The following ST3GAL2 variants were observed in gnomAD, a reference collection of about 807,000 sequenced individuals.
ST3GAL2 encodes ST3 beta-galactoside alpha-2,3-sialyltransferase 2.
In ST3GAL2, 16 loss-of-function variants were observed where a neutral mutation model predicts 37.5. That is an observed-to-expected ratio of 0.43 (90% CI 0.29 to 0.65). The LOEUF is 0.65. ST3GAL2 is among the 30% of genes least tolerant of loss of function. ST3GAL2 has a pLI of 0.17. For missense variants in ST3GAL2, 383 were observed against 487.8 expected, an observed-to-expected ratio of 0.79 and a Z score of 2.02; for synonymous variants, 238 against 202.9, an observed-to-expected ratio of 1.17 and a Z score of -1.47.
chr16:70,420,574 C>T (rs1006148371), intron 1 of ST3GAL2, among the ~76,000 whole-genome samples: 8 of 152,180 alleles, frequency 5.3e-5, no homozygotes, highest in African/African-American at 1.9e-4. Flanking sequence ...GGCCTGCAGA[C>T]GTCTGCTGGC....
intron 1 of ST3GAL2, among the ~76,000 whole-genome samples, chr16:70,419,321 C>G (rs2151673763): frequency 6.6e-6 from 1 of 152,350 alleles, no homozygotes; most frequent in South Asian, 2.1e-4. Context: ...AATCCACCAT[C>G]TATCCCCAGA....
At chr16:70,435,334 G>T (rs1003203063) in intron 1 of ST3GAL2, among the ~76,000 whole-genome samples, 1 of 152,156 alleles carries the variant, frequency 6.6e-6, no homozygotes, top group Non-Finnish European at 1.5e-5. Context: ...AGTGGTTCAC[G>T]CCTGTAATCC....
intron 1 of ST3GAL2, among the ~76,000 whole-genome samples, chr16:70,426,349 C>T (rs1417172472): frequency 6.8e-6 from 1 of 147,624 alleles, no homozygotes; most frequent in Non-Finnish European, 1.5e-5. Context: ...GAGGTGAATG[C>T]CACCACACCC....
At position 70,399,231 on chromosome 16, in the gene ST3GAL2, TCTC is replaced by T. The variant is rs2151664310; in HGVS notation, c.-704_-702del. ...CTTCCCATCTGAGGTGCTGGTCCCT[TCTC>T]CTGGTGGCCCCAGCCCCAGCTGCAG... is the stretch of plus-strand genomic sequence containing the variant. On this transcript the variant is annotated 5_prime_UTR_variant, in exon 2 of 7. Transcript: ENST00000342907. 2.5e-6 allele frequency: 1 copy of T among 398,720 alleles called. No homozygotes were observed. Among genetic ancestry groups the T allele is most frequent in the Non-Finnish European group, 4.4e-6 (1 of 226,152 alleles). The allele number at this position is 398,720 out of a possible 1,614,324, so 24.7% of individuals were successfully genotyped here. A position where few individuals can be genotyped will look rare whatever the true frequency, so the allele number is the denominator to read the frequency against.
chr16:70,437,507 C>CAA (rs34874526), intron 1 of ST3GAL2, among the ~76,000 whole-genome samples: 22 of 130,582 alleles, frequency 1.7e-4, no homozygotes, highest in Non-Finnish European at 3.1e-4. Context: ...GCCCCCCCCG[C>CAA]AAAAAAAAAA....
chr16:70,399,606 C>G (rs2047541708), intron 1 of ST3GAL2, 73 bp from the exon 2 acceptor site: 1 of 396,300 alleles, frequency 2.5e-6, no homozygotes, highest in African/African-American at 2.1e-5. Context: ...AGCCCCACCC[C>G]AAGCCCCAAA....
At chr16:70,397,454 T>G (rs1249745995) in intron 2 of ST3GAL2, among the ~76,000 whole-genome samples, 2 of 149,536 alleles carry the variant, frequency 1.3e-5, no homozygotes, top group African/African-American at 4.9e-5. Flanking sequence ...CTGGGCATGG[T>G]GGCTCACGCC....
intron 1 of ST3GAL2, among the ~76,000 whole-genome samples, chr16:70,401,258 G>C (rs1462339416): frequency 6.6e-6 from 1 of 152,198 alleles, no homozygotes; most frequent in African/African-American, 2.4e-5. Flanking sequence ...GGCTTCCAAA[G>C]GAAGCAACTC....
At chr16:70,388,296 C>T (rs1276847582) in intron 4 of ST3GAL2, 71 bp downstream of exon 4, 1 of 1,585,264 alleles carries the variant, frequency 6.3e-7, no homozygotes, top group South Asian at 1.1e-5. Flanking sequence ...ATCCTACAAT[C>T]TGGCCCCTAG....
At chr16:70,436,642 T>C (rs145589022) in intron 1 of ST3GAL2, among the ~76,000 whole-genome samples, 23 of 151,904 alleles carry the variant, frequency 1.5e-4, no homozygotes, top group South Asian at 1.0e-3. Flanking sequence ...AATCTGTGCC[T>C]TAACCAGCTC....
At chr16:70,403,583 G>T (rs1296931946) in intron 1 of ST3GAL2, among the ~76,000 whole-genome samples, 2 of 152,208 alleles carry the variant, frequency 1.3e-5, no homozygotes, top group Non-Finnish European at 2.9e-5. Context: ...GGAGGCCGAG[G>T]CGGGCGGATC....
chr16:70,438,548 C>T (rs2047843050), intron 1 of ST3GAL2, among the ~76,000 whole-genome samples: 1 of 151,378 alleles, frequency 6.6e-6, no homozygotes, highest in African/African-American at 2.4e-5. Flanking sequence ...AGAGTGGGGC[C>T]GGGGTCTCCC....
chr16:70,412,873 C>T (rs1046422494), intron 1 of ST3GAL2, among the ~76,000 whole-genome samples: 7 of 151,790 alleles, frequency 4.6e-5, no homozygotes, highest in East Asian at 1.9e-4. Flanking sequence ...ATGGCAAAAC[C>T]GCGTCTCTAT....
intron 1 of ST3GAL2, among the ~76,000 whole-genome samples, chr16:70,424,081 A>G (rs1483421408): frequency 6.6e-6 from 1 of 151,376 alleles, no homozygotes; most frequent in African/African-American, 2.4e-5. Flanking sequence ...AAAACAAAAC[A>G]AAAAAAGCCA....
At chr16:70,414,028 G>T (rs1321877238) in intron 1 of ST3GAL2, among the ~76,000 whole-genome samples, 1 of 152,072 alleles carries the variant, frequency 6.6e-6, no homozygotes, top group African/African-American at 2.4e-5. Context: ...TGTGGTGGGG[G>T]GTAGAAAAGT....
chr16:70,420,110 TC>T (rs2047704863), intron 1 of ST3GAL2, among the ~76,000 whole-genome samples: 1 of 144,716 alleles, frequency 6.9e-6, no homozygotes, highest in South Asian at 2.3e-4. Context: ...CACTGCAACC[TC>T]TGTCCCCGGG....
intron 1 of ST3GAL2, among the ~76,000 whole-genome samples, chr16:70,420,659 G>T (rs1228248115): frequency 6.6e-6 from 1 of 152,218 alleles, no homozygotes; most frequent in African/African-American, 2.4e-5. Context: ...CCAGTAACTT[G>T]TTCTTTGTGA....
intron 1 of ST3GAL2, among the ~76,000 whole-genome samples, chr16:70,424,605 A>C (rs981624514): frequency 3.3e-5 from 5 of 152,032 alleles, no homozygotes; most frequent in African/African-American, 1.2e-4. Context: ...CTGTCTCAAA[A>C]AAATTAAATA....
chr16:70,432,816 C>T (rs1391753776), intron 1 of ST3GAL2, among the ~76,000 whole-genome samples: 2 of 152,156 alleles, frequency 1.3e-5, no homozygotes, highest in East Asian at 1.9e-4. Flanking sequence ...GTGTGTGGGA[C>T]GGAAGCTGGG....
Sources: gnomAD v4.1 joint callset for allele counts (sites outside exome capture counted in the v4.1 genomes callset) on GRCh38, gnomAD v4.1.1 for gene constraint, MANE v1.5 for transcripts, NCBI Gene and HGNC (gene_info 2026-07-23, HGNC 2026-07-21) for gene names.